Variants in USP53 observed in about 807,000 individuals in gnomAD.
The protein encoded by USP53 is ubiquitin carboxyl-terminal hydrolase 53.
In USP53, 71 loss-of-function variants were observed where a neutral mutation model predicts 94.9. That is an observed-to-expected ratio of 0.75 (90% CI 0.62 to 0.91). USP53 has a LOEUF of 0.91. Among genes scored for constraint, USP53 ranks in the 40% least tolerant of loss-of-function variants. The pLI, the probability that USP53 is intolerant of heterozygous loss-of-function variation, is 0.00. For missense variants in USP53, 1,173 were observed against 1,281.0 expected (o/e 0.92, Z 1.29); for synonymous variants, 375 against 422.7 (o/e 0.89, Z 1.39).
At chr4:119,265,234 T>A (rs1663917302) in intron 12 of USP53, among the ~76,000 whole-genome samples, 1 of 152,232 alleles carries the variant, frequency 6.6e-6, no homozygotes, top group Non-Finnish European at 1.5e-5. Flanking sequence ...CTTCATATAG[T>A]ACAACTCAAT....
chr4:119,286,210 T>C (rs1373549856), intron 17 of USP53, among the ~76,000 whole-genome samples: 1 of 151,414 alleles, frequency 6.6e-6, no homozygotes. Context: ...TGCTGTTTAA[T>C]GTTTAGGGTT....
chr4:119,240,994 G>A (rs1179976903), intron 5 of USP53, among the ~76,000 whole-genome samples: 2 of 152,140 alleles, frequency 1.3e-5, no homozygotes, highest in Non-Finnish European at 2.9e-5. Context: ...AAAAGACCTG[G>A]AATTAAATGC....
chr4:119,260,950 CTTTTTTTTTTTT>C (rs572630415), intron 11 of USP53, among the ~76,000 whole-genome samples: 4 of 91,778 alleles, frequency 4.4e-5, no homozygotes, highest in Admixed American at 1.4e-4. Context: ...TGATCTCTCT[CTTTTTTTTTTTT>C]TTTTTTTTTT....
intron 3 of USP53, among the ~76,000 whole-genome samples, chr4:119,224,795 A>G (rs1299932969): frequency 6.6e-6 from 1 of 152,232 alleles, no homozygotes; most frequent in Admixed American, 6.5e-5. Flanking sequence ...AAAACAGTAT[A>G]GCAGACTGTG....
intron 13 of USP53, among the ~76,000 whole-genome samples, 156 bp from the exon 14 acceptor site, chr4:119,268,112 A>G (rs998478132): frequency 1.3e-5 from 2 of 148,238 alleles, no homozygotes; most frequent in African/African-American, 5.0e-5. Flanking sequence ...GCTTGCAGTG[A>G]GCCGAGATTG....
intron 6 of USP53, 54 bp downstream of exon 6, chr4:119,245,483 A>T: frequency 6.6e-7 from 1 of 1,519,004 alleles, no homozygotes; most frequent in Non-Finnish European, 9.1e-7. Context: ...TCAAAAATTT[A>T]AGTTTGATAT....
rs1491380548 is a variant in USP53 at position 119,227,299 on chromosome 4, A to AC, written c.-664-7991_-664-7990insC. On this transcript the variant is annotated intron_variant, in intron 3 of 18. Coordinates refer to ENST00000692078, the MANE Select transcript of USP53 (RefSeq NM_001371395.1). ...CACACACACACACACACACACACAC[A>AC]AACTTGAAATGAATCATAGAGCTAA... 5.9e-3 allele frequency among the ~76,000 whole-genome samples: 862 copies of AC among 145,494 alleles called. 5 individuals are homozygous for AC. The highest frequency in any genetic ancestry group is 0.012 in the African/African-American group (472 of 39,512).
intron 15 of USP53, among the ~76,000 whole-genome samples, chr4:119,270,608 C>T (rs1169866429): frequency 6.6e-6 from 1 of 152,156 alleles, no homozygotes; most frequent in East Asian, 1.9e-4. Context: ...CTGGCAATCC[C>T]TGACCTTCCC....
In USP53 at chr4:119,273,724, GAATAT is replaced by G; in HGVS notation, c.2251+21_2251+25del. On this transcript the variant is annotated intron_variant, in intron 17 of 18. Coordinates refer to ENST00000692078, the MANE Select transcript of USP53 (RefSeq NM_001371395.1). ...CACTTAGAAGGTAAAAAACTTATTT[GAATAT>G]AATAGTTGCTGTAAAAAATGAATTA... The G allele has an allele frequency of 6.3e-7, 1 of 1,588,776 alleles. No homozygotes were observed. Among genetic ancestry groups the G allele is most frequent in the Non-Finnish European group, 8.6e-7 (1 of 1,161,986 alleles).
intron 18 of USP53, among the ~76,000 whole-genome samples, chr4:119,291,713 C>T (rs1754780424): frequency 6.6e-6 from 1 of 152,044 alleles, no homozygotes; most frequent in South Asian, 2.1e-4. Context: ...ATCTTGATTA[C>T]ATTATTTTAA....
intron 1 of USP53, among the ~76,000 whole-genome samples, chr4:119,213,638 A>ATAGATATAT (rs202132478): frequency 4.0e-4 from 27 of 68,044 alleles, no homozygotes; most frequent in East Asian, 7.1e-4. Context: ...TTATCTGGAA[A>ATAGATATAT]TAGATATATA....
chr4:119,272,006 A>C lies in USP53; in HGVS notation c.2146A>C (p.Ser716Arg). ...TGGAAATGGTACAGTAATGGATATC[A>C]GTGGTGTTAAAGAAACAGTATGCTT... ...IDGNGTVMDI[S>R]GVKETVCFSD... is the part of the protein sequence containing the mutation. The change falls in exon 16 of 19, where the codon AGT becomes CGT. Residue 716 changes from serine to arginine, a missense_variant. Ser to Arg is a moderately radical substitution (Grantham distance 110). Coordinates refer to ENST00000692078, the MANE Select transcript of USP53 (RefSeq NM_001371395.1). 1 of 1,600,966 alleles carries C rather than the reference A, an allele frequency of 6.2e-7. No individual in the cohort carries two copies. The highest frequency in any genetic ancestry group is 8.5e-7 in the Non-Finnish European group (1 of 1,175,380).
In USP53 at chr4:119,272,028, G is replaced by A. The variant is rs990448420; in HGVS notation, c.2168G>A (p.Cys723Tyr). ...MDISGVKETV[C>Y]FSDQITTSNL... Reference sequence around the variant, plus strand: ...ATCAGTGGTGTTAAAGAAACAGTATGCTTCAGGTAATGTAAAAGTTGAGTG... The same window carrying A: ...ATCAGTGGTGTTAAAGAAACAGTATACTTCAGGTAATGTAAAAGTTGAGTG... Residue 723 changes from cysteine (C) to tyrosine (Y), a missense_variant, in exon 16 of 19, where the codon TGC (cysteine) becomes TAC (tyrosine). Transcript: ENST00000692078. 1.3e-6 allele frequency: 2 copies of A among 1,558,802 alleles called. No individual in the cohort carries two copies. The highest frequency in any genetic ancestry group is 1.7e-6 in the Non-Finnish European group (2 of 1,155,556).
At chr4:119,272,220 A>G (rs867656885) in intron 16 of USP53, 186 bp downstream of exon 16, 56 of 472,922 alleles carry the variant, frequency 1.2e-4, no homozygotes, top group African/African-American at 1.0e-3. Flanking sequence ...AGGATATTGT[A>G]GTTTATTTGA....
chr4:119,267,839 A>G (rs1334296586), intron 13 of USP53, among the ~76,000 whole-genome samples: 2 of 152,262 alleles, frequency 1.3e-5, no homozygotes, highest in African/African-American at 4.8e-5. Context: ...AATGATGTCA[A>G]TCCGCTTAAG....
At chr4:119,227,106 G>T (rs1745352435) in intron 3 of USP53, among the ~76,000 whole-genome samples, 2 of 152,100 alleles carry the variant, frequency 1.3e-5, no homozygotes, top group Admixed American at 1.3e-4. Flanking sequence ...TACTAGGATT[G>T]CAGGCATGAG....
chr4:119,239,981 A>G lies in USP53; in HGVS notation c.144+78A>G, dbSNP rs1025570528. On this transcript the variant is annotated intron_variant, in intron 5 of 18. Coordinates refer to ENST00000692078, the MANE Select transcript of USP53 (RefSeq NM_001371395.1). Reference sequence around the variant, plus strand: ...TTGTTTAATGCTTCTTTAGCTCATAAATTAAAAATAAAGTTACTATAGACT... The same window carrying G: ...TTGTTTAATGCTTCTTTAGCTCATAGATTAAAAATAAAGTTACTATAGACT... 9 of 1,252,944 alleles carry G rather than the reference A, an allele frequency of 7.2e-6. 2 individuals carry two copies. The highest frequency in any genetic ancestry group is 3.7e-5 in the Admixed American group (1 of 27,256). The allele number at this position is 1,252,944 out of a possible 1,614,324, so 77.6% of individuals were successfully genotyped here.
chr4:119,273,749 G>C lies in USP53; in HGVS notation c.2251+41G>C, dbSNP rs747995647. On this transcript the variant is annotated intron_variant, in intron 17 of 18. Coordinates refer to ENST00000692078, the MANE Select transcript of USP53 (RefSeq NM_001371395.1). ...GAATATAATAGTTGCTGTAAAAAATGAATTATAGTAATTTATTGTTTGCTA... is the reference window on the plus strand; with the variant it reads ...GAATATAATAGTTGCTGTAAAAAATCAATTATAGTAATTTATTGTTTGCTA... 3.3e-6 allele frequency: 5 copies of C among 1,493,084 alleles called. No homozygotes were observed. The East Asian group carries it at 1.2e-4, about 35-fold the overall frequency. The allele number at this position is 1,493,084 out of a possible 1,614,324, so 92.5% of individuals were successfully genotyped here.
intron 17 of USP53, among the ~76,000 whole-genome samples, chr4:119,287,540 C>G (rs980456411): frequency 1.3e-5 from 2 of 152,070 alleles, no homozygotes; most frequent in African/African-American, 4.8e-5. Context: ...GCTTTAATAA[C>G]TTTGTTTTCT....
Sources: allele counts gnomAD v4.1 joint callset (sites outside exome capture counted in the v4.1 genomes callset), GRCh38; gene constraint gnomAD v4.1.1; transcripts MANE v1.5; gene names NCBI Gene and HGNC (gene_info 2026-07-23, HGNC 2026-07-21).